The following CPA6 variants were observed in gnomAD, a reference collection of about 807,000 sequenced individuals.
CPA6 encodes carboxypeptidase A6.
CPA6 carries 58 observed loss-of-function variants against 63.3 expected under a neutral mutation model. The observed-to-expected ratio is 0.92, with a 90% CI of 0.74 to 1.14. The LOEUF is 1.14. CPA6 is among the 50% of genes most tolerant of loss of function. CPA6 has a pLI of 0.00. For missense variants in CPA6, 565 were observed against 526.6 expected, an observed-to-expected ratio of 1.07 and a Z score of -0.71; for synonymous variants, 185 against 179.0, an observed-to-expected ratio of 1.03 and a Z score of -0.27.
intron 8 of CPA6, among the ~76,000 whole-genome samples, chr8:67,461,673 G>A (rs971864432): frequency 1.3e-5 from 2 of 152,010 alleles, no homozygotes; most frequent in Non-Finnish European, 2.9e-5. Context: ...CGGACGGGGC[G>A]GCTGGCCGGG....
chr8:67,577,036 G>T (rs1368802946), intron 2 of CPA6, among the ~76,000 whole-genome samples: 1 of 152,016 alleles, frequency 6.6e-6, no homozygotes, highest in Non-Finnish European at 1.5e-5. Flanking sequence ...GCTAATTTTA[G>T]TAGAGACTGG....
At chr8:67,610,995 T>C (rs561067775) in intron 2 of CPA6, among the ~76,000 whole-genome samples, 3 of 152,318 alleles carry the variant, frequency 2.0e-5, no homozygotes, top group African/African-American at 7.2e-5. Flanking sequence ...TAGTATATAA[T>C]TGTTATTATA....
intron 8 of CPA6, among the ~76,000 whole-genome samples, chr8:67,455,855 T>C (rs1325074905): frequency 3.3e-5 from 5 of 151,978 alleles, no homozygotes; most frequent in Admixed American, 2.6e-4. Context: ...GCTGGGACTA[T>C]AGGCATGCAC....
At chr8:67,729,101 G>A (rs1185379609) in intron 1 of CPA6, among the ~76,000 whole-genome samples, 2 of 152,336 alleles carry the variant, frequency 1.3e-5, no homozygotes, top group East Asian at 1.9e-4. Context: ...CATGGTGCCT[G>A]AACCATAGTG....
chr8:67,530,899 C>G (rs1207808045), intron 2 of CPA6, among the ~76,000 whole-genome samples: 3 of 152,174 alleles, frequency 2.0e-5, no homozygotes, highest in Non-Finnish European at 2.9e-5. Flanking sequence ...GATACACCCT[C>G]AAGCCAGGGT....
intron 1 of CPA6, among the ~76,000 whole-genome samples, chr8:67,651,741 A>T (rs2081495): frequency 0.49 from 73,924 of 151,128 alleles, 18,186 homozygotes; most frequent in Middle Eastern, 0.55. Context: ...ATTTTTTTTT[A>T]AAATTTGATT....
At chr8:67,580,491 GAAA>G (rs1813743188) in intron 2 of CPA6, among the ~76,000 whole-genome samples, 1 of 152,080 alleles carries the variant, frequency 6.6e-6, no homozygotes, top group Non-Finnish European at 1.5e-5. Context: ...TTTAAAGTAA[GAAA>G]AAAATAATCA....
At chr8:67,591,870 C>A (rs1198341099) in intron 2 of CPA6, among the ~76,000 whole-genome samples, 1 of 152,134 alleles carries the variant, frequency 6.6e-6, no homozygotes, top group African/African-American at 2.4e-5. Flanking sequence ...TAATTGAATA[C>A]CCTTTATTTC....
At position 67,518,085 on chromosome 8, in the gene CPA6, GT is replaced by G. The variant is rs780577778; in HGVS notation, c.193-39del. On this transcript the variant is annotated intron_variant, in intron 2 of 10. Coordinates refer to ENST00000297770, the MANE Select transcript of CPA6 (RefSeq NM_020361.5). ...AACCAACCTATAATTCATATCCAAC[GT>G]AGGGGGGGAAAATCTGTGTCACAAT... 7 of 1,491,796 alleles carry G rather than the reference GT, an allele frequency of 4.7e-6. No homozygotes were observed. The Admixed American group carries it at 1.2e-4, about 25-fold the overall frequency. 92.4% of individuals were successfully genotyped at this position (1,491,796 alleles called of 1,614,324 possible). A position where few individuals can be genotyped will look rare whatever the true frequency, so the allele number is the denominator to read the frequency against.
intron 1 of CPA6, among the ~76,000 whole-genome samples, chr8:67,648,386 G>A (rs1815763388): frequency 6.6e-6 from 1 of 151,058 alleles, no homozygotes; most frequent in Non-Finnish European, 1.5e-5. Flanking sequence ...GTAAAGAACG[G>A]CATTGCTAAG....
Position 67,533,263 on chromosome 8 carries a change from G to A in CPA6, c.193-15216C>T, listed in dbSNP as rs7831237. On this transcript the variant is annotated intron_variant, in intron 2 of 10. Coordinates refer to ENST00000297770, the MANE Select transcript of CPA6 (RefSeq NM_020361.5). ...AGGAAATGGCTGAATTGCTGTGGCC[G>A]TAAGAAGGGTAGAATGAGGATGATT... Among the ~76,000 whole-genome samples, 432 of 152,292 alleles carry A rather than the reference G, an allele frequency of 2.8e-3. 4 individuals are homozygous for A. The highest frequency in any genetic ancestry group is 9.4e-3 in the African/African-American group (389 of 41,552).
At chr8:67,502,474 T>A (rs1811848056) in intron 6 of CPA6, among the ~76,000 whole-genome samples, 1 of 152,164 alleles carries the variant, frequency 6.6e-6, no homozygotes, top group Non-Finnish European at 1.5e-5. Context: ...ATAACTTTGT[T>A]TTCAATTTCA....
At chr8:67,740,122 A>T (rs1817885165) in intron 1 of CPA6, among the ~76,000 whole-genome samples, 1 of 152,248 alleles carries the variant, frequency 6.6e-6, no homozygotes, top group African/African-American at 2.4e-5. Context: ...ATTTACCATC[A>T]AATCAGGACC....
Position 67,428,027 on chromosome 8 carries a change from A to C in CPA6, c.1126+20T>G. ...GGTTCAAGAGAGAGGATTCTAACAC[A>C]ATGTACGCAGGAAACTTACACAACG... is the stretch of plus-strand genomic sequence containing the variant. On this transcript the variant is annotated intron_variant, in intron 10 of 10. Coordinates refer to ENST00000297770, the MANE Select transcript of CPA6 (RefSeq NM_020361.5). 1 of 1,530,830 alleles carries C rather than the reference A, an allele frequency of 6.5e-7. No individual in the cohort carries two copies. The allele number at this position is 1,530,830 out of a possible 1,614,324, so 94.8% of individuals were successfully genotyped here.
chr8:67,721,823 T>G (rs116356129), intron 1 of CPA6, among the ~76,000 whole-genome samples: 2,000 of 152,320 alleles, frequency 0.013, 46 homozygotes, highest in African/African-American at 0.045. Flanking sequence ...CTTGTTGCCA[T>G]TATGTTTAGC....
At chr8:67,500,603 C>T (rs368778460) in intron 6 of CPA6, among the ~76,000 whole-genome samples, 37 of 152,038 alleles carry the variant, frequency 2.4e-4, no homozygotes, top group African/African-American at 8.4e-4. Flanking sequence ...TCAAAGAACG[C>T]TTTGTCTTGG....
At chr8:67,557,252 A>G (rs1217346429) in intron 2 of CPA6, among the ~76,000 whole-genome samples, 2 of 152,162 alleles carry the variant, frequency 1.3e-5, no homozygotes, top group East Asian at 3.9e-4. Context: ...TCTCAATATA[A>G]AGGAAACTGA....
intron 1 of CPA6, among the ~76,000 whole-genome samples, chr8:67,720,613 T>G (rs1217525471): frequency 6.6e-6 from 1 of 152,168 alleles, no homozygotes; most frequent in Non-Finnish European, 1.5e-5. Context: ...GTCAGAAAAC[T>G]GCGAGGGCCA....
intron 1 of CPA6, among the ~76,000 whole-genome samples, chr8:67,719,979 G>T (rs1477593659): frequency 6.6e-6 from 1 of 152,076 alleles, no homozygotes; most frequent in Non-Finnish European, 1.5e-5. Flanking sequence ...ATGCGCGTCC[G>T]TGTGAAGAGA....
Sources: gnomAD v4.1 joint callset for allele counts (sites outside exome capture counted in the v4.1 genomes callset) on GRCh38, gnomAD v4.1.1 for gene constraint, MANE v1.5 for transcripts, NCBI Gene and HGNC (gene_info 2026-07-23, HGNC 2026-07-21) for gene names.